COBL: variants seen among roughly 807,000 people sequenced by gnomAD.
COBL encodes the protein cordon-bleu WH2 repeat protein.
A neutral mutation model predicts 98.8 loss-of-function variants in COBL; 51 were observed. That is an observed-to-expected ratio of 0.52 (90% CI 0.41 to 0.65). COBL has a LOEUF of 0.65. Among genes scored for constraint, COBL ranks in the 30% least tolerant of loss-of-function variants. The pLI is 0.00. For missense variants in COBL, 1,617 were observed against 1,617.5 expected (o/e 1.00, Z 0.01); for synonymous variants, 634 against 651.7 (o/e 0.97, Z 0.41).
chr7:51,093,975 T>TTATATACA (rs1795052586), intron 6 of COBL, among the ~76,000 whole-genome samples: 1 of 150,914 alleles, frequency 6.6e-6, no homozygotes, highest in South Asian at 2.1e-4. Context: ...AAATTGTTTT[T>TTATATACA]TATATACATA....
intron 1 of COBL, among the ~76,000 whole-genome samples, chr7:51,264,488 T>C (rs1309042510): frequency 1.3e-5 from 2 of 151,556 alleles, no homozygotes; most frequent in Admixed American, 6.6e-5. Flanking sequence ...CTGGTCAACA[T>C]GGCAAAACCC....
chr7:51,154,978 T>G (rs117632015), intron 5 of COBL, among the ~76,000 whole-genome samples: 110 of 152,348 alleles, frequency 7.2e-4, no homozygotes, highest in Admixed American at 1.2e-3. Context: ...TTCCTACTCT[T>G]GTTTCCAGGC....
chr7:51,217,797 A>G (rs536406077), intron 2 of COBL, among the ~76,000 whole-genome samples: 43 of 152,342 alleles, frequency 2.8e-4, no homozygotes, highest in Middle Eastern at 3.4e-3. Context: ...TTACGTTACA[A>G]AGTTATATAG....
intron 7 of COBL, among the ~76,000 whole-genome samples, chr7:51,075,356 C>T (rs1193376780): frequency 6.6e-6 from 1 of 152,136 alleles, no homozygotes; most frequent in Non-Finnish European, 1.5e-5. Context: ...ACATCAGTCA[C>T]TGAATGCGGT....
At chr7:51,162,731 G>A (rs1460751937) in intron 5 of COBL, among the ~76,000 whole-genome samples, 1 of 152,234 alleles carries the variant, frequency 6.6e-6, no homozygotes, top group Non-Finnish European at 1.5e-5. Flanking sequence ...TAGCAGATGA[G>A]GAAAGTGAAG....
chr7:51,052,881 A>C (rs1173253123), intron 7 of COBL, among the ~76,000 whole-genome samples: 8 of 152,176 alleles, frequency 5.3e-5, no homozygotes, highest in Admixed American at 1.3e-4. Flanking sequence ...TCCATAACAC[A>C]CTGTTCATCT....
At chr7:51,040,951 G>A (rs541331742) in intron 8 of COBL, among the ~76,000 whole-genome samples, 11 of 152,208 alleles carry the variant, frequency 7.2e-5, no homozygotes, top group Non-Finnish European at 1.5e-4. Flanking sequence ...GCAGAGTAAC[G>A]CATGTCTGAT....
At chr7:51,069,261 G>A (rs1792272642) in intron 7 of COBL, among the ~76,000 whole-genome samples, 2 of 152,218 alleles carry the variant, frequency 1.3e-5, no homozygotes, top group African/African-American at 4.8e-5. Context: ...ATACAAATAT[G>A]CTTACTTCCA....
intron 1 of COBL, among the ~76,000 whole-genome samples, chr7:51,252,096 C>T (rs904529147): frequency 3.3e-5 from 5 of 152,012 alleles, no homozygotes; most frequent in African/African-American, 1.2e-4. Context: ...ATCCAGGATA[C>T]AATCAAGGTT....
At chr7:51,212,421 A>G (rs1486917568) in intron 2 of COBL, among the ~76,000 whole-genome samples, 1 of 152,210 alleles carries the variant, frequency 6.6e-6, no homozygotes, top group Non-Finnish European at 1.5e-5. Context: ...ACAATGTCAG[A>G]GAAGCCAAGT....
chr7:51,143,493 G>T (rs985820469), intron 5 of COBL, among the ~76,000 whole-genome samples: 7 of 151,992 alleles, frequency 4.6e-5, no homozygotes, highest in African/African-American at 1.5e-4. Flanking sequence ...TTCTCCAAAC[G>T]AAACCAAGTA....
intron 4 of COBL, among the ~76,000 whole-genome samples, chr7:51,186,953 C>A (rs973976170): frequency 2.0e-5 from 3 of 152,148 alleles, no homozygotes. Context: ...GCTCTAGAAC[C>A]CATGGTGCCT....
intron 5 of COBL, among the ~76,000 whole-genome samples, chr7:51,169,730 G>A (rs931020658): frequency 6.6e-6 from 1 of 152,104 alleles, no homozygotes; most frequent in Non-Finnish European, 1.5e-5. Flanking sequence ...GATGGTTAAT[G>A]GGTACAAAAA....
intron 1 of COBL, among the ~76,000 whole-genome samples, chr7:51,235,603 G>A (rs762966606): frequency 3.5e-4 from 54 of 152,174 alleles, no homozygotes; most frequent in Non-Finnish European, 1.6e-4. Context: ...GGAAACAGCC[G>A]CGGACATCCC....
At chr7:51,137,064 C>T (rs538392656) in intron 5 of COBL, among the ~76,000 whole-genome samples, 3 of 151,276 alleles carry the variant, frequency 2.0e-5, no homozygotes, top group Non-Finnish European at 2.9e-5. Flanking sequence ...AGAAAGCATT[C>T]GGGGAACCAG....
chr7:51,159,040 T>C (rs1173824678), intron 5 of COBL, among the ~76,000 whole-genome samples: 1 of 152,132 alleles, frequency 6.6e-6, no homozygotes, highest in Non-Finnish European at 1.5e-5. Flanking sequence ...ACTTCCTTTT[T>C]TTAAGAACCT....
intron 6 of COBL, among the ~76,000 whole-genome samples, chr7:51,102,491 C>T (rs373855617): frequency 6.6e-6 from 1 of 152,196 alleles, no homozygotes; most frequent in Non-Finnish European, 1.5e-5. Flanking sequence ...CTATACCTCA[C>T]TCTGGGAGTG....
At chr7:51,309,380 C>A (rs1434262126) in intron 1 of COBL, among the ~76,000 whole-genome samples, 1 of 152,142 alleles carries the variant, frequency 6.6e-6, no homozygotes, top group Non-Finnish European at 1.5e-5. Flanking sequence ...CAACACCAGC[C>A]CAGGACTCCC....
At chr7:51,135,514 C>T (rs1583912765) in intron 6 of COBL, among the ~76,000 whole-genome samples, 1 of 152,252 alleles carries the variant, frequency 6.6e-6, no homozygotes, top group South Asian at 2.1e-4. Context: ...AATTACATGA[C>T]ATGTCAGGAC....
Sources: gnomAD v4.1 joint callset for allele counts (sites outside exome capture counted in the v4.1 genomes callset) on GRCh38, gnomAD v4.1.1 for gene constraint, MANE v1.5 for transcripts, NCBI Gene and HGNC (gene_info 2026-07-23, HGNC 2026-07-21) for gene names.